The following SLC4A4 variants were observed in gnomAD, a reference collection of about 807,000 sequenced individuals.
The protein encoded by SLC4A4 is solute carrier family 4 member 4, also known as electrogenic sodium bicarbonate cotransporter 1.
A neutral mutation model predicts 111.5 loss-of-function variants in SLC4A4; 27 were observed. That is an observed-to-expected ratio of 0.24 (90% CI 0.18 to 0.33). SLC4A4 has a LOEUF of 0.33. Ranked by LOEUF, SLC4A4 falls within the 10% of genes least tolerant of loss-of-function variation. SLC4A4 has a pLI of 1.00. For synonymous variants in SLC4A4, 443 were observed against 463.4 expected (o/e 0.96, Z 0.57); for missense variants, 909 against 1,315.5 (o/e 0.69, Z 4.78).
chr4:71,167,765 A>T (rs1215606772), intron 2 of SLC4A4, among the ~76,000 whole-genome samples: 2 of 152,184 alleles, frequency 1.3e-5, no homozygotes, highest in Non-Finnish European at 2.9e-5. Flanking sequence ...TCTCCATCTT[A>T]GAAAATGGCA....
chr4:71,263,711 G>T (rs1168784534), intron 3 of SLC4A4, among the ~76,000 whole-genome samples: 2 of 152,074 alleles, frequency 1.3e-5, no homozygotes, highest in Non-Finnish European at 2.9e-5. Flanking sequence ...TTTTTATGCT[G>T]TAGTTCTACA....
At chr4:71,359,204 TA>T (rs1262217438) in intron 6 of SLC4A4, among the ~76,000 whole-genome samples, 1 of 152,196 alleles carries the variant, frequency 6.6e-6, no homozygotes, top group Non-Finnish European at 1.5e-5. Context: ...ATCCTATCTG[TA>T]GATCTCTGTA....
At chr4:71,254,564 G>A (rs1427003898) in intron 2 of SLC4A4, among the ~76,000 whole-genome samples, 2 of 151,574 alleles carry the variant, frequency 1.3e-5, no homozygotes, top group African/African-American at 4.8e-5. Context: ...TAGTGTGAAC[G>A]TTTGAGTATT....
Position 71,546,490 on chromosome 4 carries a change from T to A in SLC4A4, c.2583T>A (p.Thr861=). Residue 861 remains threonine (T), a synonymous_variant, in exon 19 of 26, where the codon ACT becomes ACA. Transcript: ENST00000264485. ...HIDSLKMETE[T]SAPGEQPKFL... is the part of the protein sequence containing the mutation. The stretch of plus-strand genomic sequence containing the variant: ...ACAGTTTGAAGATGGAGACAGAGAC[T>A]TCTGCACCTGGAGAACAACCAAAGT... 1 of 1,612,644 alleles carries A rather than the reference T, an allele frequency of 6.2e-7. No homozygotes were observed. Among genetic ancestry groups the A allele is most frequent in the Non-Finnish European group, 8.5e-7 (1 of 1,179,050 alleles).
chr4:71,329,906 A>C (rs1228012150), intron 3 of SLC4A4, among the ~76,000 whole-genome samples: 1 of 152,016 alleles, frequency 6.6e-6, no homozygotes, highest in Non-Finnish European at 1.5e-5. Flanking sequence ...TAGAGGAAAG[A>C]CTTTCAGTTT....
chr4:71,565,279 T>C (rs10013749), intron 24 of SLC4A4, among the ~76,000 whole-genome samples: 132,186 of 151,858 alleles, frequency 0.87, 58,493 homozygotes, highest in Non-Finnish European at 0.96. Flanking sequence ...CTCCAGACAC[T>C]GTTTTCCTGC....
chr4:71,318,254 T>G (rs1726847076), intron 3 of SLC4A4, among the ~76,000 whole-genome samples: 2 of 152,030 alleles, frequency 1.3e-5, no homozygotes, highest in Non-Finnish European at 2.9e-5. Context: ...AGATTCAAGA[T>G]AGAGGAGAAA....
intron 4 of SLC4A4, among the ~76,000 whole-genome samples, chr4:71,339,925 A>T (rs185370754): frequency 6.6e-6 from 1 of 152,148 alleles, no homozygotes; most frequent in Admixed American, 6.5e-5. Context: ...CCCTGTCAAG[A>T]GGTGGGTTTT....
At chr4:71,516,645 A>T (rs903387328) in intron 16 of SLC4A4, among the ~76,000 whole-genome samples, 1 of 152,106 alleles carries the variant, frequency 6.6e-6, no homozygotes, top group Non-Finnish European at 1.5e-5. Flanking sequence ...ATTGCAGCCG[A>T]CTGTGTAAGG....
intron 23 of SLC4A4, among the ~76,000 whole-genome samples, chr4:71,561,242 A>C (rs1736952055): frequency 6.6e-6 from 1 of 151,808 alleles, no homozygotes; most frequent in African/African-American, 2.4e-5. Context: ...TTGTTATCAC[A>C]TTATTTATTT....
chr4:71,162,875 C>T (rs1744648049), intron 2 of SLC4A4, among the ~76,000 whole-genome samples: 1 of 152,150 alleles, frequency 6.6e-6, no homozygotes, highest in African/African-American at 2.4e-5. Flanking sequence ...TTCGCCTGCT[C>T]TATTGCTCTT....
intron 2 of SLC4A4, among the ~76,000 whole-genome samples, chr4:71,116,523 T>C (rs1743271229): frequency 6.6e-6 from 1 of 152,234 alleles, no homozygotes; most frequent in Non-Finnish European, 1.5e-5. Flanking sequence ...ACACTAAATA[T>C]TGCTTTACTT....
chr4:71,096,449 G>T (rs1423533211), intron 2 of SLC4A4, among the ~76,000 whole-genome samples: 1 of 152,166 alleles, frequency 6.6e-6, no homozygotes, highest in Non-Finnish European at 1.5e-5. Flanking sequence ...AATCGCAGAA[G>T]TGAAAGGAGA....
intron 2 of SLC4A4, among the ~76,000 whole-genome samples, chr4:71,121,794 T>C (rs1052516503): frequency 6.6e-6 from 1 of 152,174 alleles, no homozygotes; most frequent in African/African-American, 2.4e-5. Context: ...GTGGAAGCTT[T>C]GTTTTTTCGC....
chr4:71,534,769 C>G (rs994029177), intron 18 of SLC4A4, among the ~76,000 whole-genome samples: 4 of 152,104 alleles, frequency 2.6e-5, no homozygotes, highest in African/African-American at 7.2e-5. Context: ...TAAATCAACT[C>G]AGGTTTATTC....
At chr4:71,114,372 A>C (rs1743190580) in intron 2 of SLC4A4, among the ~76,000 whole-genome samples, 1 of 151,652 alleles carries the variant, frequency 6.6e-6, no homozygotes, top group Non-Finnish European at 1.5e-5. Flanking sequence ...GCACAGCAAA[A>C]GAAACTACCA....
At chr4:71,507,985 T>C (rs1429229609) in intron 16 of SLC4A4, among the ~76,000 whole-genome samples, 3 of 152,184 alleles carry the variant, frequency 2.0e-5, no homozygotes, top group African/African-American at 7.2e-5. Flanking sequence ...CCTGAATGAC[T>C]TTTGGGAAAA....
intron 3 of SLC4A4, among the ~76,000 whole-genome samples, chr4:71,302,694 C>T (rs1344101399): frequency 6.6e-6 from 1 of 152,154 alleles, no homozygotes; most frequent in Non-Finnish European, 1.5e-5. Flanking sequence ...CTAGATGGGA[C>T]ACACATCTAG....
At position 71,327,816 on chromosome 4, in the gene SLC4A4, TA is replaced by T. The variant is rs557043060; in HGVS notation, c.254-11553del. Among the ~76,000 whole-genome samples the T allele has an allele frequency of 6.3e-3, 956 of 152,114 alleles. 12 individuals are homozygous for T. The highest frequency in any genetic ancestry group is 0.022 in the African/African-American group (915 of 41,530). On this transcript the variant is annotated intron_variant, in intron 3 of 25. Coordinates refer to ENST00000264485, the MANE Select transcript of SLC4A4 (RefSeq NM_001098484.3). ...GGTATCCATCACTTCAAGCATTTAT[TA>T]TTTTTTTGTGTTATAAATTCCAATT... is the stretch of plus-strand genomic sequence containing the variant.
Sources: gnomAD v4.1 joint callset for allele counts (sites outside exome capture counted in the v4.1 genomes callset) on GRCh38, gnomAD v4.1.1 for gene constraint, MANE v1.5 for transcripts, NCBI Gene and HGNC (gene_info 2026-07-23, HGNC 2026-07-21) for gene names.